Variants in ANKRD31 observed in about 807,000 individuals in gnomAD.
ANKRD31 encodes ankyrin repeat domain 31, also known as ankyrin repeat domain-containing protein 31.
ANKRD31 carries 147 observed loss-of-function variants against 186.0 expected under a neutral mutation model. That is an observed-to-expected ratio of 0.79 (90% CI 0.69 to 0.91). ANKRD31 has a LOEUF of 0.91. Among genes scored for constraint, ANKRD31 ranks in the 40% least tolerant of loss-of-function variants. ANKRD31 has a pLI of 0.00. For missense variants in ANKRD31, 1,986 were observed against 2,148.8 expected (o/e 0.92, Z 1.50); for synonymous variants, 673 against 736.4 (o/e 0.91, Z 1.39).
intron 12 of ANKRD31, among the ~76,000 whole-genome samples, chr5:75,152,301 TC>T (rs1332611501): frequency 6.6e-6 from 1 of 152,010 alleles, no homozygotes; most frequent in East Asian, 1.9e-4. Context: ...GTATTATTTG[TC>T]CCCAGGAAGA....
chr5:75,133,998 G>A (rs878902145), intron 17 of ANKRD31, among the ~76,000 whole-genome samples: 6 of 151,838 alleles, frequency 4.0e-5, no homozygotes, highest in East Asian at 3.9e-4. Flanking sequence ...CCAGAATCTC[G>A]GGGACACATT....
chr5:75,085,166 G>C (rs1471851905), intron 23 of ANKRD31, among the ~76,000 whole-genome samples: 2 of 152,056 alleles, frequency 1.3e-5, no homozygotes, highest in African/African-American at 4.8e-5. Context: ...TCCTCCTCTA[G>C]GTTCCCAAAG....
chr5:75,209,503 C>G (rs1309948355), intron 4 of ANKRD31, among the ~76,000 whole-genome samples: 1 of 152,032 alleles, frequency 6.6e-6, no homozygotes, highest in Non-Finnish European at 1.5e-5. Flanking sequence ...ATGGCAAAAC[C>G]CTGTCTCTAC....
rs186917486 is a variant in ANKRD31 at position 75,181,198 on chromosome 5, C to G, written c.1564+7295G>C. On this transcript the variant is annotated intron_variant, in intron 10 of 25. Transcript: ENST00000506364. ...AACCACAGTGAGATGCCATCTCACC[C>G]CAGTTAGAATGGTGATCATTAAAAA... Among the ~76,000 whole-genome samples, 499 of 152,226 alleles carry G rather than the reference C, an allele frequency of 3.3e-3. 5 individuals carry two copies. The highest frequency in any genetic ancestry group is 6.9e-3 in the South Asian group (33 of 4,812).
intron 11 of ANKRD31, among the ~76,000 whole-genome samples, chr5:75,161,355 T>C (rs755737332): frequency 1.3e-4 from 20 of 152,174 alleles, no homozygotes; most frequent in Non-Finnish European, 2.5e-4. Context: ...CCCTAGAGAT[T>C]TGTGGAACTT....
chr5:75,116,360 G>A (rs1361478824), intron 19 of ANKRD31, among the ~76,000 whole-genome samples: 1 of 151,836 alleles, frequency 6.6e-6, no homozygotes, highest in Non-Finnish European at 1.5e-5. Context: ...GTATACATAT[G>A]TAACTAACCT....
intron 23 of ANKRD31, among the ~76,000 whole-genome samples, chr5:75,084,827 AT>A (rs1480315341): frequency 6.6e-6 from 1 of 152,222 alleles, no homozygotes; most frequent in African/African-American, 2.4e-5. Context: ...TTTTCAAGAA[AT>A]CACATATTTA....
Position 75,236,873 on chromosome 5 carries a change from C to A in ANKRD31, c.-187G>T. On this transcript the variant is annotated 5_prime_UTR_variant, in exon 1 of 26. Transcript: ENST00000506364. ...GGCGGCCGCGAGCGCGGCGGGGTAGCAGTCTGCGAGGCGGCCCGCGGGTCC... is the reference window on the plus strand; with the variant it reads ...GGCGGCCGCGAGCGCGGCGGGGTAGAAGTCTGCGAGGCGGCCCGCGGGTCC... 2.2e-6 allele frequency: 1 copy of A among 444,618 alleles called. No homozygotes were observed. The highest frequency in any genetic ancestry group is 3.8e-6 in the Non-Finnish European group (1 of 259,918). The allele number at this position is 444,618 out of a possible 1,614,324, so 27.5% of individuals were successfully genotyped here. A position where few individuals can be genotyped will look rare whatever the true frequency, so the allele number is the denominator to read the frequency against.
Position 75,154,240 on chromosome 5 carries a change from C to A in ANKRD31, c.1813G>T (p.Glu605Ter), listed in dbSNP as rs757245936. Residue 605 changes from glutamate (E) to a stop codon, truncating the protein, a stop_gained, in exon 12 of 26, where the codon GAG becomes TAG. Coordinates refer to ENST00000506364, the MANE Select transcript of ANKRD31 (RefSeq NM_001372053.1). LOFTEE classifies it high-confidence loss of function. Reference sequence around the variant, plus strand: ...TTTTGATGTTTAGGGATATATCTCTCAAGGAGACGCTTCATACATAAATCC... The same window carrying A: ...TTTTGATGTTTAGGGATATATCTCTAAAGGAGACGCTTCATACATAAATCC... ...AKDLCMKRLL[E>*]RYIPKHQKCL... 6.5e-7 allele frequency: 1 copy of A among 1,532,358 alleles called. No homozygotes were observed. Among genetic ancestry groups the A allele is most frequent in the African/African-American group, 1.4e-5 (1 of 72,846 alleles). The allele number at this position is 1,532,358 out of a possible 1,614,324, so 94.9% of individuals were successfully genotyped here. A position where few individuals can be genotyped will look rare whatever the true frequency, so the allele number is the denominator to read the frequency against.
chr5:75,102,266 A>G (rs1746955370), intron 22 of ANKRD31, among the ~76,000 whole-genome samples: 1 of 152,168 alleles, frequency 6.6e-6, no homozygotes, highest in East Asian at 1.9e-4. Context: ...AGAACAGCAA[A>G]TGTTCCTGCC....
intron 17 of ANKRD31, among the ~76,000 whole-genome samples, chr5:75,129,809 G>T (rs1248129932): frequency 1.1e-4 from 16 of 152,216 alleles, no homozygotes; most frequent in Admixed American, 1.0e-3. Flanking sequence ...AGCCCACGGA[G>T]TGTGAGCCGA....
intron 10 of ANKRD31, among the ~76,000 whole-genome samples, chr5:75,185,290 C>T (rs543374651): frequency 1.3e-5 from 2 of 152,112 alleles, no homozygotes; most frequent in South Asian, 4.2e-4. Flanking sequence ...AAAGGTGCAG[C>T]GGCTCACACC....
At chr5:75,166,378 C>T (rs1345590951) in intron 11 of ANKRD31, among the ~76,000 whole-genome samples, 1 of 152,046 alleles carries the variant, frequency 6.6e-6, no homozygotes, top group Non-Finnish European at 1.5e-5. Flanking sequence ...GGCTGAGGCA[C>T]AAGAAGCGCT....
At chr5:75,224,632 A>C (rs1192081200) in intron 2 of ANKRD31, among the ~76,000 whole-genome samples, 1 of 152,180 alleles carries the variant, frequency 6.6e-6, no homozygotes, top group Non-Finnish European at 1.5e-5. Context: ...TACCTTTCCC[A>C]TATGCCAAAA....
chr5:75,112,448 T>A, intron 20 of ANKRD31, 65 bp downstream of exon 20: 1 of 1,089,056 alleles, frequency 9.2e-7, no homozygotes, highest in East Asian at 2.7e-5. Context: ...GAAATAAATA[T>A]GTACCTTAAG....
At chr5:75,115,104 C>CAA (rs1748107475) in intron 19 of ANKRD31, among the ~76,000 whole-genome samples, 1 of 151,474 alleles carries the variant, frequency 6.6e-6, no homozygotes, top group African/African-American at 2.4e-5. Flanking sequence ...AATAACGCTG[C>CAA]ATATCTACAA....
chr5:75,087,144 T>C (rs10440681), intron 23 of ANKRD31, among the ~76,000 whole-genome samples: 31,116 of 152,160 alleles, frequency 0.2, 3,399 homozygotes, highest in South Asian at 0.39. Flanking sequence ...TGGGACTCCA[T>C]TTTATTTGAA....
Position 75,147,243 on chromosome 5 carries a change from T to C in ANKRD31, c.2168A>G (p.Asn723Ser), listed in dbSNP as rs558630872. 153 of 1,536,282 alleles carry C rather than the reference T, an allele frequency of 1.0e-4. 1 individual carries two copies. The highest frequency in any genetic ancestry group is 6.7e-4 in the Admixed American group (34 of 50,910). Residue 723 changes from asparagine to serine, a missense_variant, in exon 14 of 26, where the codon AAC (asparagine) becomes AGC (serine). By Grantham distance (46) the Asn-to-Ser change is conservative. Transcript: ENST00000506364. ...TCTTCTTCCTATACCTTTTGGTACGTTTGTGTTGGGATCTTTGACGTTATG... is the reference window on the plus strand; with the variant it reads ...TCTTCTTCCTATACCTTTTGGTACGCTTGTGTTGGGATCTTTGACGTTATG... ...NLHNVKDPNT[N>S]VPKGIGRRKT... is the part of the protein sequence containing the mutation.
Position 75,195,710 on chromosome 5 carries a change from C to T in ANKRD31, c.938G>A (p.Ser313Asn). ...TICHRKEGGS[S>N]LIARNECLEV... is the part of the protein sequence containing the mutation. ...TAAACATTCATTTCTGGCAATGAGA[C>T]TGCTACCTCCCTCTTTTCTGTGACA... is the stretch of plus-strand genomic sequence containing the variant. The change falls in exon 7 of 26, where the codon AGT becomes AAT. Residue 313 changes from serine (S) to asparagine (N), a missense_variant. Transcript: ENST00000506364. 6.5e-7 allele frequency: 1 copy of T among 1,537,496 alleles called. No homozygotes were observed. The highest frequency in any genetic ancestry group is 1.2e-5 in the South Asian group (1 of 84,028).
Sources: gnomAD v4.1 joint callset for allele counts (sites outside exome capture counted in the v4.1 genomes callset) on GRCh38, gnomAD v4.1.1 for gene constraint, MANE v1.5 for transcripts, NCBI Gene and HGNC (gene_info 2026-07-23, HGNC 2026-07-21) for gene names.